Variants in PTER observed in about 807,000 individuals in gnomAD.
The protein encoded by PTER is N-acetyltaurine hydrolase.
A neutral mutation model predicts 29.6 loss-of-function variants in PTER; 38 were observed. The ratio of observed to expected loss-of-function variants is 1.28; its 90% CI spans 0.99 to 1.68. The LOEUF (loss-of-function observed/expected upper bound fraction) is 1.68, where lower values mean the gene tolerates loss of function less well. PTER is among the 40% of genes most tolerant of loss of function. The pLI, the probability that PTER is intolerant of heterozygous loss-of-function variation, is 0.00. For missense variants in PTER, 482 were observed against 427.8 expected (o/e 1.13, Z -1.12); for synonymous variants, 172 against 154.5 (o/e 1.11, Z -0.84).
intron 1 of PTER, among the ~76,000 whole-genome samples, chr10:16,472,362 A>G (rs1263797131): frequency 6.6e-6 from 1 of 152,108 alleles, no homozygotes; most frequent in Non-Finnish European, 1.5e-5. Flanking sequence ...AATAATCCCC[A>G]TGTGTCAAGG....
chr10:16,507,835 T>C (rs1263354412), intron 4 of PTER, among the ~76,000 whole-genome samples: 2 of 152,174 alleles, frequency 1.3e-5, no homozygotes, highest in Non-Finnish European at 2.9e-5. Flanking sequence ...TTTATTTTTG[T>C]TTTATTATTT....
chr10:16,461,549 G>A (rs914446420), intron 1 of PTER, among the ~76,000 whole-genome samples: 5 of 152,140 alleles, frequency 3.3e-5, no homozygotes, highest in African/African-American at 1.2e-4. Flanking sequence ...GCTTTCAGGA[G>A]TTGAAATTAG....
At chr10:16,462,754 A>T (rs1014864840) in intron 1 of PTER, among the ~76,000 whole-genome samples, 1 of 151,666 alleles carries the variant, frequency 6.6e-6, no homozygotes, top group African/African-American at 2.4e-5. Context: ...TATTTTTAGT[A>T]GAGACGGGGT....
chr10:16,486,382 C>G lies in PTER; in HGVS notation c.463C>G (p.His155Asp). 1 of 1,613,864 alleles carries G rather than the reference C, an allele frequency of 6.2e-7. No homozygotes were observed. The highest frequency in any genetic ancestry group is 8.5e-7 in the Non-Finnish European group (1 of 1,179,822). The change falls in exon 3 of 5, where the codon CAT becomes GAT. Residue 155 changes from histidine to aspartate, a missense_variant. By Grantham distance (81) the His-to-Asp change is moderately conservative. Transcript: ENST00000535784. ...CGATGTCCTTATGAATGAAATTCTC[C>G]ATGGAGCTGATGGAACCAGTATCAA... ...LTDVLMNEILHGADGTSIKCG... is the reference protein window; with the variant it reads ...LTDVLMNEILDGADGTSIKCG...
At chr10:16,443,036 G>A (rs1422000607) in intron 1 of PTER, among the ~76,000 whole-genome samples, 1 of 152,114 alleles carries the variant, frequency 6.6e-6, no homozygotes, top group African/African-American at 2.4e-5. Context: ...GGCCATTTCT[G>A]TAGCTTAGAT....
chr10:16,481,773 T>C (rs921238974), intron 1 of PTER, among the ~76,000 whole-genome samples: 8 of 152,206 alleles, frequency 5.3e-5, no homozygotes, highest in African/African-American at 1.4e-4. Flanking sequence ...ATTTTATCAA[T>C]TTAGCTCAGT....
chr10:16,468,649 A>G (rs750937317), intron 1 of PTER, among the ~76,000 whole-genome samples: 4 of 152,234 alleles, frequency 2.6e-5, no homozygotes, highest in Non-Finnish European at 5.9e-5. Context: ...ACTCACCGCA[A>G]CGAGCTCAAA....
intron 1 of PTER, among the ~76,000 whole-genome samples, chr10:16,447,084 C>T (rs1206080893): frequency 1.3e-5 from 2 of 148,646 alleles, no homozygotes; most frequent in Non-Finnish European, 3.0e-5. Flanking sequence ...ATAGCATACC[C>T]GGCCTTTTTT....
At chr10:16,457,374 A>G (rs7080056) in intron 1 of PTER, among the ~76,000 whole-genome samples, 2,041 of 151,658 alleles carry the variant, frequency 0.013, 51 homozygotes, top group African/African-American at 0.043. Flanking sequence ...CACCACGCCC[A>G]GCTAATTTTT....
At chr10:16,446,573 A>G (rs937819780) in intron 1 of PTER, among the ~76,000 whole-genome samples, 1 of 152,140 alleles carries the variant, frequency 6.6e-6, no homozygotes, top group African/African-American at 2.4e-5. Flanking sequence ...AAGACTCTAC[A>G]TAGTCCCATT....
intron 3 of PTER, among the ~76,000 whole-genome samples, chr10:16,504,542 C>A (rs1040741108): frequency 6.6e-6 from 1 of 152,182 alleles, no homozygotes; most frequent in Non-Finnish European, 1.5e-5. Flanking sequence ...AAGAAAATCA[C>A]CCTGCTACCA....
At chr10:16,441,690 C>A (rs538286612) in intron 1 of PTER, among the ~76,000 whole-genome samples, 81 of 152,276 alleles carry the variant, frequency 5.3e-4, no homozygotes, top group African/African-American at 1.9e-3. Context: ...CTGGCCCAAG[C>A]ACTAGTGTGA....
chr10:16,463,498 C>T (rs1225377833), intron 1 of PTER, among the ~76,000 whole-genome samples: 2 of 152,176 alleles, frequency 1.3e-5, no homozygotes, highest in Non-Finnish European at 2.9e-5. Flanking sequence ...TAACTGCAAC[C>T]TCTGCCTTCC....
At chr10:16,445,589 G>T (rs1489619290) in intron 1 of PTER, among the ~76,000 whole-genome samples, 1 of 152,028 alleles carries the variant, frequency 6.6e-6, no homozygotes, top group Non-Finnish European at 1.5e-5. Context: ...CATTTCCCAG[G>T]CTCTCAGGCT....
At chr10:16,494,788 T>G (rs1836028311) in intron 3 of PTER, among the ~76,000 whole-genome samples, 1 of 152,212 alleles carries the variant, frequency 6.6e-6, no homozygotes, top group Non-Finnish European at 1.5e-5. Flanking sequence ...CATTTAAATT[T>G]ATTTTTAATT....
chr10:16,472,176 T>A (rs1333556150), intron 1 of PTER, among the ~76,000 whole-genome samples: 1 of 152,230 alleles, frequency 6.6e-6, no homozygotes, highest in Non-Finnish European at 1.5e-5. Context: ...GCTGGATATC[T>A]ATAAATAAAA....
chr10:16,460,699 A>G (rs1410564590), intron 1 of PTER, among the ~76,000 whole-genome samples: 1 of 152,152 alleles, frequency 6.6e-6, no homozygotes, highest in African/African-American at 2.4e-5. Flanking sequence ...TATTAAAATT[A>G]TTAAAGTTGC....
chr10:16,463,197 C>CAA (rs1339307931), intron 1 of PTER, among the ~76,000 whole-genome samples: 1 of 93,800 alleles, frequency 1.1e-5, no homozygotes, highest in Non-Finnish European at 2.0e-5. Flanking sequence ...GAGACTCTGT[C>CAA]TAAAAAAAAA....
intron 1 of PTER, among the ~76,000 whole-genome samples, chr10:16,481,226 C>G (rs997565573): frequency 3.3e-5 from 5 of 152,216 alleles, no homozygotes; most frequent in Admixed American, 1.3e-4. Context: ...ATGCTTAAGC[C>G]TCTCAGGCAT....
Sources: allele counts gnomAD v4.1 joint callset (sites outside exome capture counted in the v4.1 genomes callset), GRCh38; gene constraint gnomAD v4.1.1; transcripts MANE v1.5; gene names NCBI Gene and HGNC (gene_info 2026-07-23, HGNC 2026-07-21).